Variants in PRTG observed in about 807,000 individuals in gnomAD.
The protein encoded by PRTG is protogenin.
Under a neutral mutation model 122.5 loss-of-function variants are expected in PRTG, and 67 were observed. That is an observed-to-expected ratio of 0.55 (90% confidence interval 0.45 to 0.67). The LOEUF is 0.67. PRTG is among the 30% of genes least tolerant of loss of function. The pLI, the probability that PRTG is intolerant of heterozygous loss-of-function variation, is 0.00. For synonymous variants in PRTG, 554 were observed against 501.1 expected (o/e 1.11, Z -1.41); for missense variants, 1,435 against 1,415.4 (o/e 1.01, Z -0.22).
intron 2 of PRTG, among the ~76,000 whole-genome samples, chr15:55,686,495 T>C (rs1159464396): frequency 6.6e-6 from 1 of 152,162 alleles, no homozygotes; most frequent in Non-Finnish European, 1.5e-5. Context: ...AGTATTCAAT[T>C]CAAGATGTTT....
chr15:55,664,661 G>A (rs565788809), intron 11 of PRTG, among the ~76,000 whole-genome samples: 5 of 151,914 alleles, frequency 3.3e-5, no homozygotes, highest in South Asian at 4.2e-4. Flanking sequence ...CAAATGGCTC[G>A]CTGCTACCTC....
rs770928315 is a variant in PRTG at position 55,672,598 on chromosome 15, T to G, written c.1888A>C (p.Asn630His). The G allele has an allele frequency of 1.4e-5, 23 of 1,613,730 alleles. No individual in the cohort carries two copies. Among genetic ancestry groups the G allele is most frequent in the Non-Finnish European group, 1.9e-5 (22 of 1,179,982 alleles). ...CACCTCACAGAAATGGTGGTACAGT[T>G]CAGAGGCTCCAAATGCAACTCTGGA... is the stretch of plus-strand genomic sequence containing the variant. ...KSPELHLEPL[N>H]CTTISVRWQQ... The change falls in exon 11 of 20, where the codon AAC (asparagine) becomes CAC (histidine). Residue 630 changes from asparagine (N) to histidine (H), a missense_variant. Coordinates refer to ENST00000389286, the MANE Select transcript of PRTG (RefSeq NM_173814.6).
At chr15:55,722,272 G>A (rs1464585461) in intron 2 of PRTG, among the ~76,000 whole-genome samples, 12 of 152,098 alleles carry the variant, frequency 7.9e-5, no homozygotes, top group African/African-American at 2.9e-4. Flanking sequence ...CTTTATTGTT[G>A]CACAACTATA....
At chr15:55,625,711 C>CG (rs1047094162) in intron 17 of PRTG, among the ~76,000 whole-genome samples, 1 of 151,686 alleles carries the variant, frequency 6.6e-6, no homozygotes, top group African/African-American at 2.4e-5. Context: ...GCAAGCTCCC[C>CG]CTCCCGGGTT....
chr15:55,673,400 T>C lies in PRTG; in HGVS notation c.1823A>G (p.His608Arg), dbSNP rs2059484026. ...CACGCTTGTAGCTTTGGGCGTCCTA[T>C]GTGAAGTCCATACTGATGACTCTCC... is the stretch of plus-strand genomic sequence containing the variant. ...GLGESSVWTSHRTPKATSVKA... is the reference protein window; with the variant it reads ...GLGESSVWTSRRTPKATSVKA... The change falls in exon 10 of 20, where the codon CAT becomes CGT. Residue 608 changes from histidine to arginine, a missense_variant. Transcript: ENST00000389286. 6.2e-7 allele frequency: 1 copy of C among 1,614,028 alleles called. No individual in the cohort carries two copies. Among genetic ancestry groups the C allele is most frequent in the South Asian group, 1.1e-5 (1 of 91,062 alleles).
chr15:55,634,675 C>T (rs1356007539), intron 15 of PRTG, among the ~76,000 whole-genome samples: 1 of 151,816 alleles, frequency 6.6e-6, no homozygotes, highest in East Asian at 2.0e-4. Flanking sequence ...ACACCCGTCT[C>T]TACTAAAATA....
chr15:55,657,629 C>T (rs1171915590), intron 11 of PRTG, among the ~76,000 whole-genome samples: 1 of 152,180 alleles, frequency 6.6e-6, no homozygotes, highest in African/African-American at 2.4e-5. Flanking sequence ...TAGTATACTA[C>T]AAACTTCTTC....
chr15:55,731,618 C>G (rs2031237586), intron 2 of PRTG, among the ~76,000 whole-genome samples: 1 of 152,110 alleles, frequency 6.6e-6, no homozygotes, highest in Non-Finnish European at 1.5e-5. Context: ...ATCCGCCCGC[C>G]TCAGCCTCCC....
At chr15:55,629,425 G>A (rs1366335457) in intron 15 of PRTG, among the ~76,000 whole-genome samples, 1 of 141,122 alleles carries the variant, frequency 7.1e-6, no homozygotes, top group African/African-American at 2.8e-5. Flanking sequence ...GTGTGTGTGT[G>A]TGTGTGTGTG....
At chr15:55,645,748 C>A (rs1040177811) in intron 11 of PRTG, among the ~76,000 whole-genome samples, 3 of 152,066 alleles carry the variant, frequency 2.0e-5, no homozygotes, top group Non-Finnish European at 4.4e-5. Flanking sequence ...CACAGGGAAC[C>A]AGTCCCAAGG....
chr15:55,641,041 T>G (rs2059287217), intron 12 of PRTG, 72 bp downstream of exon 12: 3 of 1,019,694 alleles, frequency 2.9e-6, no homozygotes, highest in Non-Finnish European at 4.6e-6. Context: ...AGTGAGACTG[T>G]AACTTAAAGG....
At position 55,641,135 on chromosome 15, in the gene PRTG, A is replaced by C; in HGVS notation, c.2115T>G (p.Thr705=). 1 of 1,613,806 alleles carries C rather than the reference A, an allele frequency of 6.2e-7. No homozygotes were observed. The highest frequency in any genetic ancestry group is 1.1e-5 in the South Asian group (1 of 91,062). The change falls in exon 12 of 20, where the codon ACT becomes ACG. Residue 705 remains threonine, a synonymous_variant. Transcript: ENST00000389286. ...NIDDGYQADQ[T]VSTPGCVSVR... ...TACACACGCATCCTGGAGTGCTGAC[A>C]GTCTGATCTGCCTGATAGCCATCGT...
At position 55,713,901 on chromosome 15, in the gene PRTG, ATT is replaced by A. The variant is rs199642021; in HGVS notation, c.397+26479_397+26480del. ...CTTTCTGAAATTCAGAAGTTTAAAA[ATT>A]TGTTTTAACTTAATAAAATTTATTA... is the stretch of plus-strand genomic sequence containing the variant. On this transcript the variant is annotated intron_variant, in intron 2 of 19. Transcript: ENST00000389286. Among the ~76,000 whole-genome samples the A allele has an allele frequency of 8.5e-3, 1,299 of 152,224 alleles. 3 individuals are homozygous for A. Among genetic ancestry groups the A allele is most frequent in the Middle Eastern group, 0.014 (4 of 294 alleles).
chr15:55,624,300 A>G, intron 18 of PRTG, 42 bp downstream of exon 18: 1 of 1,587,802 alleles, frequency 6.3e-7, no homozygotes, highest in African/African-American at 1.3e-5. Context: ...AGGGAGGAGG[A>G]ATGGAAGAAC....
intron 1 of PRTG, chr15:55,742,120 C>G (rs1230764264): frequency 6.6e-6 from 1 of 152,186 alleles, no homozygotes; most frequent in Non-Finnish European, 1.5e-5. Flanking sequence ...ACTTCAGGCC[C>G]TGCCCCCAAA....
At chr15:55,730,822 A>T (rs2031206143) in intron 2 of PRTG, among the ~76,000 whole-genome samples, 1 of 152,144 alleles carries the variant, frequency 6.6e-6, no homozygotes, top group Non-Finnish European at 1.5e-5. Context: ...TCACGACTAT[A>T]ATAACAAAAC....
intron 15 of PRTG, among the ~76,000 whole-genome samples, chr15:55,631,757 C>T (rs16976436): frequency 0.18 from 27,712 of 152,084 alleles, 2,845 homozygotes; most frequent in East Asian, 0.38. Context: ...ACTTGGGGCA[C>T]GTTACTGAAC....
chr15:55,704,850 C>T (rs1034663247), intron 2 of PRTG, among the ~76,000 whole-genome samples: 22 of 152,230 alleles, frequency 1.4e-4, no homozygotes, highest in African/African-American at 5.1e-4. Flanking sequence ...TATAGACAGA[C>T]AGATAGATAT....
chr15:55,724,441 C>T (rs1298474623), intron 2 of PRTG, among the ~76,000 whole-genome samples: 1 of 152,024 alleles, frequency 6.6e-6, no homozygotes, highest in South Asian at 2.1e-4. Flanking sequence ...TGGAAGACAG[C>T]GAGATAACAA....
Sources: gnomAD v4.1 joint callset for allele counts (sites outside exome capture counted in the v4.1 genomes callset) on GRCh38, gnomAD v4.1.1 for gene constraint, MANE v1.5 for transcripts, NCBI Gene and HGNC (gene_info 2026-07-23, HGNC 2026-07-21) for gene names.